Variants in TRPS1 observed in about 807,000 individuals in gnomAD.
TRPS1 encodes transcriptional repressor GATA binding 1.
A neutral mutation model predicts 101.2 loss-of-function variants in TRPS1; 6 were observed. The ratio of observed to expected loss-of-function variants is 0.06; its 90% CI spans 0.03 to 0.12. The LOEUF (loss-of-function observed/expected upper bound fraction) is 0.12. TRPS1 is among the 10% of genes least tolerant of loss of function. The pLI is 1.00. For synonymous variants in TRPS1, 578 were observed against 589.8 expected, an observed-to-expected ratio of 0.98 and a Z score of 0.29; for missense variants, 1,363 against 1,567.0, an observed-to-expected ratio of 0.87 and a Z score of 2.20.
At chr8:115,646,396 A>T (rs1232955124) in intron 1 of TRPS1, among the ~76,000 whole-genome samples, 2 of 152,218 alleles carry the variant, frequency 1.3e-5, no homozygotes, top group African/African-American at 4.8e-5. Flanking sequence ...TATTCCAGAC[A>T]ATCACATGTC....
intron 5 of TRPS1, among the ~76,000 whole-genome samples, chr8:115,518,811 T>C (rs991071790): frequency 4.0e-5 from 6 of 151,854 alleles, no homozygotes; most frequent in Non-Finnish European, 7.4e-5. Context: ...AGCGTCAAAC[T>C]AAACCATCAG....
intron 3 of TRPS1, among the ~76,000 whole-genome samples, chr8:115,612,266 G>A (rs1448735313): frequency 6.6e-6 from 1 of 151,498 alleles, no homozygotes; most frequent in Non-Finnish European, 1.5e-5. Context: ...AGGAAGATGA[G>A]GAGGAGGAGG....
chr8:115,468,032 C>CT (rs1202368935), intron 5 of TRPS1, among the ~76,000 whole-genome samples: 1 of 152,182 alleles, frequency 6.6e-6, no homozygotes, highest in East Asian at 1.9e-4. Context: ...GAAGATTCCA[C>CT]TATTCCACAC....
rs184244231 is a variant in TRPS1, at chr8:115,485,858, G to A, written c.2701-67406C>T. On this transcript the variant is annotated intron_variant, in intron 5 of 6. Transcript: ENST00000395715. Reference sequence around the variant, plus strand: ...GGAAATTCAGAGAACAGGAAGACCAGGTAGTAGGCAATAAATCAGGAGAGA... The same window carrying A: ...GGAAATTCAGAGAACAGGAAGACCAAGTAGTAGGCAATAAATCAGGAGAGA... Among the ~76,000 whole-genome samples, 9 of 152,312 alleles carry A rather than the reference G, an allele frequency of 5.9e-5. No individual in the cohort carries two copies. The East Asian group carries it at 1.7e-3, about 29-fold the overall frequency.
chr8:115,526,126 C>T (rs1257305846), intron 5 of TRPS1, among the ~76,000 whole-genome samples: 4 of 151,938 alleles, frequency 2.6e-5, no homozygotes, highest in South Asian at 2.1e-4. Flanking sequence ...CTGGCCAACA[C>T]GGTGAAACCC....
In TRPS1 at chr8:115,414,869, G is replaced by A; in HGVS notation, c.3039C>T (p.Ser1013=). Residue 1013 remains serine (S), a synonymous_variant, in exon 7 of 7, where the codon AGC becomes AGT. Transcript: ENST00000395715. This position sits in a 1 kb window ranked among gnomAD's most constrained non-coding sequence, Gnocchi z 4.8. Reference sequence around the variant, plus strand: ...AACCCTGGGCTTCGTATTTACTTAGGCTGGGGAGTGGAATTTCTCTCTGGT... The same window carrying A: ...AACCCTGGGCTTCGTATTTACTTAGACTGGGGAGTGGAATTTCTCTCTGGT... ...ESHQREIPLP[S]LSKYEAQGSL... is the part of the protein sequence containing the mutation. 1 of 1,613,200 alleles carries A rather than the reference G, an allele frequency of 6.2e-7. No homozygotes were observed. The highest frequency in any genetic ancestry group is 1.1e-5 in the South Asian group (1 of 91,016).
intron 5 of TRPS1, among the ~76,000 whole-genome samples, chr8:115,542,572 G>T (rs977517630): frequency 2.0e-5 from 3 of 152,040 alleles, no homozygotes. Context: ...GGAGAAAAAG[G>T]GAGAAGGTCT....
chr8:115,524,083 T>G (rs1482649367), intron 5 of TRPS1, among the ~76,000 whole-genome samples: 1 of 152,276 alleles, frequency 6.6e-6, no homozygotes, highest in South Asian at 2.1e-4. Context: ...CTGAATTTAT[T>G]CAATCATTTC....
chr8:115,503,950 T>C (rs1244742639), intron 5 of TRPS1, among the ~76,000 whole-genome samples: 1 of 152,238 alleles, frequency 6.6e-6, no homozygotes, highest in East Asian at 1.9e-4. Flanking sequence ...ATAACTTACA[T>C]ATTTTTCCAA....
At chr8:115,437,164 A>C (rs1289577731) in intron 5 of TRPS1, among the ~76,000 whole-genome samples, 1 of 152,194 alleles carries the variant, frequency 6.6e-6, no homozygotes, top group East Asian at 1.9e-4. Context: ...AAATCAATCC[A>C]GGACATTTTC....
In TRPS1 at chr8:115,587,397, T is replaced by C. The variant is rs991809963; in HGVS notation, c.2304A>G (p.Lys768=). Residue 768 remains lysine, a synonymous_variant, in exon 5 of 7, where the codon AAA becomes AAG. Transcript: ENST00000395715. ...RVYNLLTPDS[K]MGEPVSESVV... is the part of the protein sequence containing the mutation. Reference sequence around the variant, plus strand: ...CACTCTCAGAAACTGGCTCTCCCATTTTAGAGTCTGGAGTTAGCAGATTGT... The same window carrying C: ...CACTCTCAGAAACTGGCTCTCCCATCTTAGAGTCTGGAGTTAGCAGATTGT... 6.2e-7 allele frequency: 1 copy of C among 1,614,038 alleles called. No homozygotes were observed. Among genetic ancestry groups the C allele is most frequent in the Non-Finnish European group, 8.5e-7 (1 of 1,180,016 alleles).
At chr8:115,596,591 CAT>C (rs1817789558) in intron 4 of TRPS1, among the ~76,000 whole-genome samples, 1 of 151,608 alleles carries the variant, frequency 6.6e-6, no homozygotes, top group South Asian at 2.1e-4. Flanking sequence ...GATATGATTA[CAT>C]ATGATAAAGA....
chr8:115,512,916 T>G (rs1392421161), intron 5 of TRPS1, among the ~76,000 whole-genome samples: 1 of 151,680 alleles, frequency 6.6e-6, no homozygotes, highest in Non-Finnish European at 1.5e-5. Flanking sequence ...CAAGTATTGT[T>G]ATGGGGAATG....
chr8:115,422,568 G>A (rs1010757832), intron 5 of TRPS1, among the ~76,000 whole-genome samples: 4 of 152,014 alleles, frequency 2.6e-5, no homozygotes, highest in Non-Finnish European at 4.4e-5. Context: ...GTTTCACCAC[G>A]TTGACCAGCC....
chr8:115,439,374 G>T (rs1420751484), intron 5 of TRPS1, among the ~76,000 whole-genome samples: 1 of 152,140 alleles, frequency 6.6e-6, no homozygotes, highest in Non-Finnish European at 1.5e-5. Context: ...AGTGGACATG[G>T]CAGAGACAAA....
At chr8:115,582,909 T>C (rs753676362) in intron 5 of TRPS1, among the ~76,000 whole-genome samples, 4 of 152,186 alleles carry the variant, frequency 2.6e-5, no homozygotes, top group Non-Finnish European at 5.9e-5. Context: ...GAGCTACAAG[T>C]TATCTATAAC....
chr8:115,455,792 T>G (rs1814005071), intron 5 of TRPS1, among the ~76,000 whole-genome samples: 1 of 145,126 alleles, frequency 6.9e-6, no homozygotes. Flanking sequence ...TTTTTTTTTT[T>G]GAGACAGAGT....
intron 5 of TRPS1, among the ~76,000 whole-genome samples, chr8:115,488,548 G>A (rs1172410507): frequency 6.6e-6 from 1 of 152,072 alleles, no homozygotes; most frequent in African/African-American, 2.4e-5. Flanking sequence ...GGTGATGTAC[G>A]CCTGTAGTCC....
Position 115,414,703 on chromosome 8 carries a change from A to T in TRPS1, c.3205T>A (p.Ser1069Thr). 3 of 1,614,064 alleles carry T rather than the reference A, an allele frequency of 1.9e-6. No homozygotes were observed. Among genetic ancestry groups the T allele is most frequent in the Non-Finnish European group, 2.5e-6 (3 of 1,179,958 alleles). Residue 1069 changes from serine (S) to threonine (T), a missense_variant, in exon 7 of 7, where the codon TCT (serine) becomes ACT (threonine). Around this residue, in one of 5 missense-constraint regions of TRPS1, gnomAD observed 307 missense variants for 392.4 expected, o/e 0.78. Transcript: ENST00000395715. This position sits in a 1 kb window ranked among gnomAD's most constrained non-coding sequence, Gnocchi z 4.8. ...TGDPGNSSSV[S>T]EGKGSSERGS... ...CTCTCAGAACTTCCTTTCCCTTCAG[A>T]TACGGATGAACTATTTCCTGGATCT...
Sources: gnomAD v4.1 joint callset for allele counts (sites outside exome capture counted in the v4.1 genomes callset) on GRCh38, gnomAD v4.1.1 for gene constraint, gnomAD v4.1.1 regional missense constraint, Gnocchi (gnomAD v3.1) non-coding constraint, MANE v1.5 for transcripts, NCBI Gene and HGNC (gene_info 2026-07-23, HGNC 2026-07-21) for gene names.